The following DLGAP1 variants were observed in gnomAD, a reference collection of about 807,000 sequenced individuals.
DLGAP1 encodes DLG associated protein 1.
In DLGAP1, 11 loss-of-function variants were observed where a neutral mutation model predicts 90.8. The observed-to-expected ratio is 0.12, with a 90% CI of 0.08 to 0.20. DLGAP1 has a LOEUF of 0.20. Ranked by LOEUF, DLGAP1 falls within the 10% of genes least tolerant of loss-of-function variation. DLGAP1 has a pLI of 1.00. For missense variants in DLGAP1, 1,050 were observed against 1,333.8 expected, an observed-to-expected ratio of 0.79 and a Z score of 3.31; for synonymous variants, 558 against 540.7, an observed-to-expected ratio of 1.03 and a Z score of -0.44.
chr18:4,055,089 A>G (rs892839797), intron 2 of DLGAP1, among the ~76,000 whole-genome samples: 1 of 152,212 alleles, frequency 6.6e-6, no homozygotes, highest in African/African-American at 2.4e-5. Flanking sequence ...ACTGTGATAA[A>G]TAATTCCAAA....
At chr18:3,926,015 G>A (rs2072374036) in intron 3 of DLGAP1, among the ~76,000 whole-genome samples, 1 of 152,160 alleles carries the variant, frequency 6.6e-6, no homozygotes, top group Non-Finnish European at 1.5e-5. Flanking sequence ...TTCCTGTTGA[G>A]GTATGGGACA....
chr18:4,401,401 A>C (rs983459590), intron 1 of DLGAP1, among the ~76,000 whole-genome samples: 18 of 152,208 alleles, frequency 1.2e-4, no homozygotes, highest in African/African-American at 4.3e-4. Flanking sequence ...TGCCAGTAAA[A>C]ACAGATCCAG....
At chr18:3,897,233 G>A (rs1236479237) in intron 3 of DLGAP1, among the ~76,000 whole-genome samples, 1 of 152,158 alleles carries the variant, frequency 6.6e-6, no homozygotes, top group Non-Finnish European at 1.5e-5. Context: ...AATGTTGGCC[G>A]AGGAATGCTG....
chr18:3,512,487 C>T (rs564824138), intron 10 of DLGAP1, among the ~76,000 whole-genome samples: 1 of 152,294 alleles, frequency 6.6e-6, no homozygotes, highest in East Asian at 1.9e-4. Flanking sequence ...AACCTCTCAC[C>T]CCACAACAGA....
chr18:3,955,073 G>T (rs1001763577), intron 3 of DLGAP1, among the ~76,000 whole-genome samples: 7 of 152,154 alleles, frequency 4.6e-5, no homozygotes, highest in African/African-American at 1.4e-4. Flanking sequence ...CAGGCTGCGG[G>T]GGGGAAGGAA....
chr18:4,218,826 T>TACAC (rs58376566), intron 1 of DLGAP1, among the ~76,000 whole-genome samples: 9,357 of 145,730 alleles, frequency 0.064, 338 homozygotes, highest in Middle Eastern at 0.09. Context: ...TATACATACA[T>TACAC]ACACACACAC....
At chr18:3,636,656 T>C (rs1221151920) in intron 7 of DLGAP1, among the ~76,000 whole-genome samples, 1 of 151,358 alleles carries the variant, frequency 6.6e-6, no homozygotes, top group African/African-American at 2.4e-5. Context: ...TCTCAAGTGA[T>C]TCACCCGCCT....
intron 1 of DLGAP1, among the ~76,000 whole-genome samples, chr18:4,434,111 C>T (rs1476545953): frequency 6.6e-6 from 1 of 152,068 alleles, no homozygotes; most frequent in Non-Finnish European, 1.5e-5. Context: ...ACTTCTCCAA[C>T]CTGTTTTCTA....
chr18:3,647,281 T>G (rs2059155879), intron 7 of DLGAP1, among the ~76,000 whole-genome samples: 1 of 140,296 alleles, frequency 7.1e-6, no homozygotes. Flanking sequence ...TAAATAAAAA[T>G]ATACATGTCT....
chr18:3,914,184 T>C (rs2072093589), intron 3 of DLGAP1, among the ~76,000 whole-genome samples: 1 of 152,174 alleles, frequency 6.6e-6, no homozygotes. Flanking sequence ...AACTGAAACT[T>C]TGTATACTTT....
chr18:4,203,644 T>G (rs1256016354), intron 1 of DLGAP1, among the ~76,000 whole-genome samples: 1 of 152,156 alleles, frequency 6.6e-6, no homozygotes, highest in Non-Finnish European at 1.5e-5. Context: ...AAACAACCAC[T>G]CTTTCTTCCT....
At chr18:4,143,350 C>T (rs2076527606) in intron 2 of DLGAP1, among the ~76,000 whole-genome samples, 1 of 151,552 alleles carries the variant, frequency 6.6e-6, no homozygotes, top group Admixed American at 6.6e-5. Context: ...TCCCACTGTT[C>T]CCTCCCTTTT....
At chr18:3,557,266 A>C (rs1480233042) in intron 9 of DLGAP1, among the ~76,000 whole-genome samples, 1 of 152,222 alleles carries the variant, frequency 6.6e-6, no homozygotes, top group Non-Finnish European at 1.5e-5. Context: ...TCACGCCTGT[A>C]ATCCCAGCAC....
chr18:4,188,732 T>A (rs903376109), intron 1 of DLGAP1, among the ~76,000 whole-genome samples: 52 of 152,282 alleles, frequency 3.4e-4, no homozygotes, highest in African/African-American at 1.2e-3. Context: ...GCATTTGGAT[T>A]GGTTCCAAGT....
At chr18:3,978,204 G>C in intron 3 of DLGAP1, 1 of 427,828 alleles carries the variant, frequency 2.3e-6, no homozygotes, top group Non-Finnish European at 4.5e-6. Flanking sequence ...ATGATCTTGA[G>C]GCTGTTTTCA....
intron 1 of DLGAP1, among the ~76,000 whole-genome samples, chr18:4,189,795 GAAACTTACCCAC>G (rs2077363114): frequency 6.6e-6 from 1 of 152,090 alleles, no homozygotes; most frequent in Non-Finnish European, 1.5e-5. Flanking sequence ...AGAGAGCCCA[GAAACTTACCCAC>G]ACAAATACAA....
chr18:4,420,743 C>T (rs1014869907), intron 1 of DLGAP1, among the ~76,000 whole-genome samples: 1 of 152,154 alleles, frequency 6.6e-6, no homozygotes, highest in Non-Finnish European at 1.5e-5. Context: ...GCACCTCAAA[C>T]CCAACATACT....
intron 1 of DLGAP1, among the ~76,000 whole-genome samples, chr18:4,344,663 TTAAG>T (rs1386753176): frequency 1.3e-5 from 2 of 152,194 alleles, no homozygotes; most frequent in South Asian, 2.1e-4. Context: ...AGGTCTGGAA[TTAAG>T]CACTCTTTAA....
intron 3 of DLGAP1, among the ~76,000 whole-genome samples, chr18:3,943,077 A>G (rs2072803279): frequency 6.6e-6 from 1 of 151,430 alleles, no homozygotes. Context: ...ATTGGTTACC[A>G]TTTTCTTTGT....
Sources: allele counts gnomAD v4.1 joint callset (sites outside exome capture counted in the v4.1 genomes callset), GRCh38; gene constraint gnomAD v4.1.1; transcripts MANE v1.5; gene names NCBI Gene and HGNC (gene_info 2026-07-23, HGNC 2026-07-21).